SDHB: variants seen among roughly 807,000 people sequenced by gnomAD.
The protein encoded by SDHB is succinate dehydrogenase [ubiquinone] iron-sulfur subunit, mitochondrial.
Under a neutral mutation model 39.7 loss-of-function variants are expected in SDHB, and 21 were observed. That is an observed-to-expected ratio of 0.53 (90% confidence interval 0.37 to 0.76). The LOEUF (loss-of-function observed/expected upper bound fraction) is 0.76. SDHB is among the 30% of genes least tolerant of loss of function. SDHB has a pLI of 0.00. For missense variants in SDHB, 343 were observed against 350.9 expected (o/e 0.98, Z 0.18); for synonymous variants, 118 against 117.0 (o/e 1.01, Z -0.06).
In SDHB at chr1:17,022,589, G is replaced by T; in HGVS notation, c.765+19C>A. 3 of 1,613,290 alleles carry T rather than the reference G, an allele frequency of 1.9e-6. No individual in the cohort carries two copies. The highest frequency in any genetic ancestry group is 2.5e-6 in the Non-Finnish European group (3 of 1,179,482). ...GTGTCAGCTCTGAGGCAGAGCTGAG[G>T]GTCACCAGCCCCACGTACCTTAGGA... On this transcript the variant is annotated intron_variant, in intron 7 of 7. Transcript: ENST00000375499.
chr1:17,028,005 G>A (rs896481417), intron 4 of SDHB, 140 bp from the exon 5 acceptor site: 4 of 674,200 alleles, frequency 5.9e-6, no homozygotes, highest in African/African-American at 1.8e-5. Context: ...CTTTTCCTTT[G>A]TCATGAATAT....
chr1:17,024,142 A>C, intron 5 of SDHB, 68 bp from the exon 6 acceptor site: 1 of 1,127,602 alleles, frequency 8.9e-7, no homozygotes, highest in Non-Finnish European at 1.3e-6. Flanking sequence ...TCAGCTGATT[A>C]AATGTTACCT....
chr1:17,046,811 C>T (rs1397923417), intron 1 of SDHB, among the ~76,000 whole-genome samples: 3 of 152,042 alleles, frequency 2.0e-5, no homozygotes, highest in South Asian at 2.1e-4. Context: ...TCCGCCTCCC[C>T]GGTTCAAGCA....
chr1:17,028,561 T>C (rs1192737847), intron 4 of SDHB, 39 bp downstream of exon 4: 9 of 1,610,658 alleles, frequency 5.6e-6, no homozygotes, highest in Admixed American at 1.7e-5. Context: ...CTGCCCCCCA[T>C]GCAAATAAAA....
At chr1:17,027,968 C>T (rs2078000945) in intron 4 of SDHB, 103 bp from the exon 5 acceptor site, 1 of 728,298 alleles carries the variant, frequency 1.4e-6, no homozygotes, top group Non-Finnish European at 2.5e-6. Context: ...ACTACTCGTC[C>T]ACTCTATGCC....
intron 3 of SDHB, among the ~76,000 whole-genome samples, chr1:17,030,459 T>TGAGGC (rs1305190626): frequency 2.6e-5 from 4 of 152,116 alleles, no homozygotes; most frequent in African/African-American, 9.7e-5. Context: ...AATATGAAAC[T>TGAGGC]GAGGCAAAGC....
chr1:17,046,143 A>G (rs779959940), intron 1 of SDHB, among the ~76,000 whole-genome samples: 7 of 152,226 alleles, frequency 4.6e-5, no homozygotes, highest in Non-Finnish European at 1.0e-4. Context: ...AAGAAAATGA[A>G]AGTTAAGATG....
chr1:17,046,015 T>C (rs1328725176), intron 1 of SDHB, among the ~76,000 whole-genome samples: 1 of 152,228 alleles, frequency 6.6e-6, no homozygotes, highest in Non-Finnish European at 1.5e-5. Context: ...GCTAAAAACC[T>C]TGACGACTTG....
intron 3 of SDHB, among the ~76,000 whole-genome samples, chr1:17,029,455 G>C (rs1448667777): frequency 6.7e-6 from 1 of 148,958 alleles, no homozygotes; most frequent in African/African-American, 2.5e-5. Context: ...CTTTGAGAAG[G>C]AGTTTTGCTC....
At chr1:17,033,795 C>G (rs1012499716) in intron 2 of SDHB, among the ~76,000 whole-genome samples, 2 of 152,232 alleles carry the variant, frequency 1.3e-5, no homozygotes, top group Non-Finnish European at 2.9e-5. Flanking sequence ...GAGAGCAGCA[C>G]CTGCATCCCA....
intron 2 of SDHB, among the ~76,000 whole-genome samples, chr1:17,038,368 C>A (rs1458346335): frequency 6.6e-6 from 1 of 152,146 alleles, no homozygotes; most frequent in East Asian, 1.9e-4. Flanking sequence ...TTATCTGTAG[C>A]CATTGAAATA....
At chr1:17,021,408 C>T (rs557878036) in intron 7 of SDHB, among the ~76,000 whole-genome samples, 4 of 151,964 alleles carry the variant, frequency 2.6e-5, no homozygotes, top group African/African-American at 4.8e-5. Context: ...CGCCACTGCA[C>T]CCCAGCCTGG....
rs79626676 is a variant in SDHB at position 17,037,137 on chromosome 1, T to C, written c.201-3992A>G. On this transcript the variant is annotated intron_variant, in intron 2 of 7. Transcript: ENST00000375499. Reference sequence around the variant, plus strand: ...ACTATAATTAAAACATGGTACAATATAAAATGAAGACTGACAGACATAGGT... The same window carrying C: ...ACTATAATTAAAACATGGTACAATACAAAATGAAGACTGACAGACATAGGT... Among the ~76,000 whole-genome samples the C allele has an allele frequency of 8.9e-3, 1,347 of 152,176 alleles. 25 individuals carry two copies. The highest frequency in any genetic ancestry group is 0.031 in the African/African-American group (1,276 of 41,504).
At chr1:17,047,946 T>C (rs1406155136) in intron 1 of SDHB, among the ~76,000 whole-genome samples, 4 of 151,928 alleles carry the variant, frequency 2.6e-5, no homozygotes, top group Non-Finnish European at 4.4e-5. Flanking sequence ...TCCCGAAGAG[T>C]TGGGATATAG....
At chr1:17,029,774 A>C (rs2078012950) in intron 3 of SDHB, among the ~76,000 whole-genome samples, 1 of 152,078 alleles carries the variant, frequency 6.6e-6, no homozygotes, top group Admixed American at 6.6e-5. Context: ...CCCAGGCTGA[A>C]GTACAGTGGT....
At chr1:17,022,824 G>A (rs2101514265) in intron 6 of SDHB, 94 bp from the exon 7 acceptor site, 4 of 1,486,964 alleles carry the variant, frequency 2.7e-6, no homozygotes, top group Non-Finnish European at 3.7e-6. Context: ...AGAGGAAAGG[G>A]AATTCACTCA....
At chr1:17,037,846 C>T (rs1045528187) in intron 2 of SDHB, among the ~76,000 whole-genome samples, 1 of 152,142 alleles carries the variant, frequency 6.6e-6, no homozygotes, top group Non-Finnish European at 1.5e-5. Context: ...AAGCAATTCT[C>T]CTGCTTCAGG....
chr1:17,028,800 T>C, intron 3 of SDHB, 64 bp from the exon 4 acceptor site: 2 of 1,589,000 alleles, frequency 1.3e-6, no homozygotes, highest in South Asian at 2.2e-5. Context: ...CCCCAAATAC[T>C]TTCTTCTGGA....
intron 1 of SDHB, among the ~76,000 whole-genome samples, chr1:17,051,283 A>G (rs952103476): frequency 1.3e-5 from 2 of 152,210 alleles, no homozygotes; most frequent in Non-Finnish European, 2.9e-5. Context: ...CAGAAAGTAC[A>G]TTCCTAGGAA....
Sources: allele counts gnomAD v4.1 joint callset (sites outside exome capture counted in the v4.1 genomes callset), GRCh38; gene constraint gnomAD v4.1.1; transcripts MANE v1.5; gene names NCBI Gene and HGNC (gene_info 2026-07-23, HGNC 2026-07-21).